The following SERPINE2 variants were observed in gnomAD, a reference collection of about 807,000 sequenced individuals.
The protein encoded by SERPINE2 is serpin family E member 2.
Under a neutral mutation model 36.3 loss-of-function variants are expected in SERPINE2, and 14 were observed. The ratio of observed to expected loss-of-function variants is 0.39; its 90% CI spans 0.25 to 0.60. SERPINE2 has a LOEUF of 0.60. SERPINE2 is among the 20% of genes least tolerant of loss of function. The pLI, the probability that SERPINE2 is intolerant of heterozygous loss-of-function variation, is 0.57. For synonymous variants in SERPINE2, 192 were observed against 191.8 expected (o/e 1.00, Z -0.01); for missense variants, 418 against 499.6 (o/e 0.84, Z 1.56).
intron 1 of SERPINE2, among the ~76,000 whole-genome samples, chr2:224,028,438 C>A (rs1472502478): frequency 1.3e-5 from 2 of 152,232 alleles, no homozygotes; most frequent in African/African-American, 4.8e-5. Context: ...CCTCTAAACT[C>A]ATCCTCTGCC....
chr2:224,017,880 G>A (rs1691852428), intron 1 of SERPINE2, among the ~76,000 whole-genome samples: 1 of 152,198 alleles, frequency 6.6e-6, no homozygotes, highest in African/African-American at 2.4e-5. Flanking sequence ...CTATACTACA[G>A]TCCAGCTTAA....
chr2:224,019,767 A>ATTTT (rs1559216887), intron 1 of SERPINE2, among the ~76,000 whole-genome samples: 3 of 25,660 alleles, frequency 1.2e-4, no homozygotes, highest in African/African-American at 6.1e-4. Flanking sequence ...TTTTTTTTTA[A>ATTTT]AAAAAAAAAA....
At chr2:224,038,209 G>T (rs1381400935) in intron 1 of SERPINE2, among the ~76,000 whole-genome samples, 3 of 152,102 alleles carry the variant, frequency 2.0e-5, no homozygotes, top group Non-Finnish European at 4.4e-5. Flanking sequence ...GAAAGAGGAA[G>T]TCACACCTTC....
At chr2:223,986,891 C>G (rs1448435277) in intron 4 of SERPINE2, among the ~76,000 whole-genome samples, 1 of 152,104 alleles carries the variant, frequency 6.6e-6, no homozygotes, top group Non-Finnish European at 1.5e-5. Flanking sequence ...AGCTGATGAC[C>G]AGTGGTAGCC....
intron 1 of SERPINE2, among the ~76,000 whole-genome samples, chr2:224,013,233 G>A (rs1164166392): frequency 2.0e-5 from 3 of 152,192 alleles, no homozygotes; most frequent in African/African-American, 7.2e-5. Flanking sequence ...GTTCCTGCCT[G>A]ATAAAACCCC....
chr2:224,008,406 C>T (rs1396085895), intron 1 of SERPINE2, among the ~76,000 whole-genome samples: 4 of 152,226 alleles, frequency 2.6e-5, no homozygotes, highest in Admixed American at 1.3e-4. Context: ...ATTCTTCATT[C>T]ATTTCCCATA....
intron 4 of SERPINE2, among the ~76,000 whole-genome samples, chr2:223,988,951 TAA>T (rs1690540966): frequency 6.6e-6 from 1 of 152,332 alleles, no homozygotes; most frequent in East Asian, 1.9e-4. Flanking sequence ...CCTATGTATG[TAA>T]AAAGTTTCAT....
intron 1 of SERPINE2, among the ~76,000 whole-genome samples, chr2:224,015,005 A>G (rs1821937): frequency 0.95 from 143,571 of 151,310 alleles, 68,377 homozygotes; most frequent in Non-Finnish European, 0.99. Context: ...TTTCACCACT[A>G]GGTGGGGGCC....
intron 7 of SERPINE2, chr2:223,978,071 A>G (rs145636711): frequency 1.2e-3 from 189 of 160,462 alleles, no homozygotes; most frequent in Middle Eastern, 9.7e-3. Context: ...TCACTCTGTC[A>G]CCCAGGCTGG....
intron 1 of SERPINE2, among the ~76,000 whole-genome samples, chr2:224,007,797 G>A (rs1691481581): frequency 6.6e-6 from 1 of 152,076 alleles, no homozygotes; most frequent in South Asian, 2.1e-4. Flanking sequence ...AAAAAAACAG[G>A]TTATTTGCCC....
chr2:224,025,320 A>G (rs1175599464), intron 1 of SERPINE2, among the ~76,000 whole-genome samples: 2 of 152,182 alleles, frequency 1.3e-5, no homozygotes, highest in Non-Finnish European at 2.9e-5. Context: ...TCCCAGATGT[A>G]TAAGTGTGTT....
intron 1 of SERPINE2, chr2:224,031,434 A>C: frequency 1.0e-6 from 1 of 985,700 alleles, no homozygotes; most frequent in Non-Finnish European, 1.2e-6. Context: ...GGGGAACGCC[A>C]GGCAGCACGG....
At chr2:224,036,008 A>T (rs1574856048) in intron 1 of SERPINE2, among the ~76,000 whole-genome samples, 1 of 152,250 alleles carries the variant, frequency 6.6e-6, no homozygotes, top group South Asian at 2.1e-4. Flanking sequence ...AAAACGGACA[A>T]ATCTTCGCTA....
At chr2:223,998,949 G>A (rs1206905296) in intron 2 of SERPINE2, among the ~76,000 whole-genome samples, 1 of 152,150 alleles carries the variant, frequency 6.6e-6, no homozygotes, top group Admixed American at 6.5e-5. Context: ...TGGGCACCAG[G>A]TCAGTATGAA....
intron 5 of SERPINE2, among the ~76,000 whole-genome samples, chr2:223,983,752 G>A (rs914981608): frequency 7.2e-6 from 1 of 139,530 alleles, no homozygotes; most frequent in Non-Finnish European, 1.6e-5. Context: ...GTGTGTGTGT[G>A]TGTGTGTGTG....
intron 1 of SERPINE2, among the ~76,000 whole-genome samples, chr2:224,025,741 G>A (rs1440204434): frequency 2.0e-5 from 3 of 152,142 alleles, no homozygotes; most frequent in Non-Finnish European, 4.4e-5. Context: ...TCAAAACGAT[G>A]TGCAACACTG....
intron 1 of SERPINE2, among the ~76,000 whole-genome samples, chr2:224,016,325 G>A (rs1325455109): frequency 6.6e-6 from 1 of 152,156 alleles, no homozygotes; most frequent in South Asian, 2.1e-4. Context: ...CACTAACATG[G>A]TGAAACCCTG....
intron 1 of SERPINE2, among the ~76,000 whole-genome samples, chr2:224,033,801 G>T (rs538901351): frequency 6.6e-6 from 1 of 152,196 alleles, no homozygotes; most frequent in African/African-American, 2.4e-5. Context: ...AAGGAGGGCA[G>T]AACCATGCCA....
Position 223,984,785 on chromosome 2 carries a change from A to G in SERPINE2, c.851T>C (p.Met284Thr). The G allele has an allele frequency of 6.2e-7, 1 of 1,613,364 alleles. No homozygotes were observed. Among genetic ancestry groups the G allele is most frequent in the South Asian group, 1.1e-5 (1 of 91,030 alleles). The change falls in exon 5 of 9, where the codon ATG (methionine) becomes ACG (threonine). Residue 284 changes from methionine (M) to threonine (T), a missense_variant. Physicochemically the swap from Met to Thr is moderately conservative, Grantham distance 81. Transcript: ENST00000409304. ...GATCACCTGCACCCTCTTGGGCACCATGATGCTCATCCAGCTGTCTATGGT... is the reference window on the plus strand; with the variant it reads ...GATCACCTGCACCCTCTTGGGCACCGTGATGCTCATCCAGCTGTCTATGGT... ...TKTIDSWMSI[M>T]VPKRVQVILP...
Sources: gnomAD v4.1 joint callset for allele counts (sites outside exome capture counted in the v4.1 genomes callset) on GRCh38, gnomAD v4.1.1 for gene constraint, MANE v1.5 for transcripts, NCBI Gene and HGNC (gene_info 2026-07-23, HGNC 2026-07-21) for gene names.